UHRF1: variants seen among roughly 807,000 people sequenced by gnomAD.
UHRF1 encodes E3 ubiquitin-protein ligase UHRF1.
A neutral mutation model predicts 96.5 loss-of-function variants in UHRF1; 9 were observed. That is an observed-to-expected ratio of 0.09 (90% CI 0.06 to 0.16). The LOEUF is 0.16. Among genes scored for constraint, UHRF1 ranks in the 10% least tolerant of loss-of-function variants. The probability of loss-of-function intolerance (pLI) is 1.00; values close to 1 mark genes in which losing one functional copy is unlikely to be tolerated. For missense variants in UHRF1, 626 were observed against 1,131.1 expected (o/e 0.55, Z 6.40); for synonymous variants, 455 against 469.9 (o/e 0.97, Z 0.41).
chr19:4,932,843 G>A lies in UHRF1; in HGVS notation c.672G>A (p.Met224Ile). Reference protein sequence around the residue: ...WQDLEVGQVVMLNYNPDNPKE... With the variant: ...WQDLEVGQVVILNYNPDNPKE... ...ACCTGGAGGTGGGCCAGGTGGTCATGCTCAACTACAACCCCGACAACCCCA... is the reference window on the plus strand; with the variant it reads ...ACCTGGAGGTGGGCCAGGTGGTCATACTCAACTACAACCCCGACAACCCCA... The change falls in exon 5 of 17, where the codon ATG (methionine) becomes ATA (isoleucine). Residue 224 changes from methionine to isoleucine, a missense_variant. Physicochemically the swap from Met to Ile is conservative, Grantham distance 10. This residue lies in a region of UHRF1 where 198 missense variants were observed against 235.1 expected (regional missense o/e 0.84). Coordinates refer to ENST00000650932, the MANE Select transcript of UHRF1 (RefSeq NM_001048201.3). The A allele has an allele frequency of 6.2e-7, 1 of 1,613,902 alleles. No homozygotes were observed.
At chr19:4,947,081 A>G (rs1435996476) in intron 10 of UHRF1, 24 bp from the exon 11 acceptor site, 1 of 1,591,952 alleles carries the variant, frequency 6.3e-7, no homozygotes, top group Non-Finnish European at 8.6e-7. Flanking sequence ...CAGAGGGTTC[A>G]CCCAGCCTTC....
At chr19:4,920,364 G>A (rs543444626) in intron 2 of UHRF1, among the ~76,000 whole-genome samples, 4 of 152,144 alleles carry the variant, frequency 2.6e-5, no homozygotes, top group South Asian at 4.2e-4. Context: ...CCCGGGAGAC[G>A]GAGGTTGCAG....
At chr19:4,947,507 TTTTTTTTTTTTTG>T in intron 11 of UHRF1, among the ~76,000 whole-genome samples, 2 of 135,750 alleles carry the variant, frequency 1.5e-5, no homozygotes, top group African/African-American at 5.7e-5. Context: ...TTTTTTTTTT[TTTTTTTTTTTTTG>T]GGCAGAGTCT....
intron 5 of UHRF1, among the ~76,000 whole-genome samples, chr19:4,940,000 GGCGACAGA>G (rs1288243934): frequency 1.3e-5 from 2 of 150,612 alleles, no homozygotes; most frequent in Non-Finnish European, 3.0e-5. Context: ...CTCCAGCCTG[GGCGACAGA>G]GCGAGACTGT....
intron 2 of UHRF1, among the ~76,000 whole-genome samples, chr19:4,925,909 CTTTT>C (rs1052722298): frequency 1.4e-5 from 2 of 147,450 alleles, no homozygotes; most frequent in Non-Finnish European, 3.0e-5. Flanking sequence ...TTTTTTCTTT[CTTTT>C]TGAGACGGAG....
upstream of UHRF1, among the ~76,000 whole-genome samples, chr19:4,904,596 C>A (rs926381318): frequency 1.3e-5 from 2 of 152,188 alleles, no homozygotes; most frequent in African/African-American, 4.8e-5. Context: ...GGATTACAGG[C>A]ATGAGCTACC....
intron 2 of UHRF1, 98 bp downstream of exon 2, chr19:4,911,136 A>G (rs1170604089): frequency 1.3e-5 from 16 of 1,205,190 alleles, no homozygotes; most frequent in Middle Eastern, 6.1e-4. Flanking sequence ...TCCCCCCCCA[A>G]CAACCTCGTC....
At chr19:4,924,655 G>T (rs964104373) in intron 2 of UHRF1, among the ~76,000 whole-genome samples, 11 of 151,982 alleles carry the variant, frequency 7.2e-5, no homozygotes, top group African/African-American at 2.7e-4. Context: ...TGAGCAGAAG[G>T]TACGGAGTTC....
chr19:4,951,450 A>G (rs1251764001), intron 13 of UHRF1, among the ~76,000 whole-genome samples: 1 of 151,936 alleles, frequency 6.6e-6, no homozygotes, highest in African/African-American at 2.4e-5. Context: ...TCTCGGGCCC[A>G]TGCTTCCCTG....
chr19:4,936,653 T>G (rs1026097520), intron 5 of UHRF1, among the ~76,000 whole-genome samples: 1 of 152,018 alleles, frequency 6.6e-6, no homozygotes, highest in African/African-American at 2.4e-5. Flanking sequence ...AGTTATAATG[T>G]AGAGATGGCT....
At chr19:4,903,795 G>A (rs1458062035) in intron 1 of UHRF1, 1 of 152,022 alleles carries the variant, frequency 6.6e-6, no homozygotes, top group Non-Finnish European at 1.5e-5. Context: ...GAGCCACTGT[G>A]CCCAGGTGCA....
At chr19:4,911,623 C>T (rs1416844959) in intron 2 of UHRF1, among the ~76,000 whole-genome samples, 3 of 152,144 alleles carry the variant, frequency 2.0e-5, no homozygotes, top group East Asian at 1.9e-4. Context: ...AGGGGTCCAC[C>T]GACCCTCGTC....
chr19:4,946,403 T>G (rs2145189643), intron 10 of UHRF1, among the ~76,000 whole-genome samples: 1 of 152,304 alleles, frequency 6.6e-6, no homozygotes, highest in African/African-American at 2.4e-5. Context: ...GGAGGGACCA[T>G]GCTGTGTTGA....
chr19:4,948,869 A>G (rs1478226725), intron 11 of UHRF1, among the ~76,000 whole-genome samples: 1 of 151,316 alleles, frequency 6.6e-6, no homozygotes, highest in Non-Finnish European at 1.5e-5. Context: ...CACGCCTGTA[A>G]TCCCAGCACT....
rs2250981 is a variant in UHRF1, at chr19:4,945,905, C to T, written c.1350C>T (p.His450=). 0.39 allele frequency: 620,141 copies of T among 1,586,554 alleles called. 128,028 individuals are homozygous for T. Among genetic ancestry groups the T allele is most frequent in the East Asian group, 0.69 (30,369 of 44,076 alleles). ...GVHRPHVAGI[H]GRSNDGAYSL... ...ATCGGCCCCACGTGGCTGGCATACA[C>T]GGCCGGAGCAACGACGGAGCGTACT... Residue 450 remains histidine (H), a synonymous_variant, in exon 10 of 17, where the codon CAC becomes CAT. Coordinates refer to ENST00000650932, the MANE Select transcript of UHRF1 (RefSeq NM_001048201.3).
intron 9 of UHRF1, among the ~76,000 whole-genome samples, chr19:4,945,145 A>G (rs1038135698): frequency 6.6e-5 from 10 of 152,198 alleles, no homozygotes; most frequent in Non-Finnish European, 1.3e-4. Context: ...CCGGGGCCCC[A>G]TGCTCAGGCC....
chr19:4,937,025 G>A (rs1314631105), intron 5 of UHRF1, among the ~76,000 whole-genome samples: 2 of 149,696 alleles, frequency 1.3e-5, no homozygotes, highest in South Asian at 2.1e-4. Flanking sequence ...CCTGACCCCC[G>A]GCAAGCAATA....
chr19:4,959,664 C>T (rs555607917), intron 16 of UHRF1, among the ~76,000 whole-genome samples: 1 of 152,258 alleles, frequency 6.6e-6, no homozygotes, highest in African/African-American at 2.4e-5. Flanking sequence ...GACTTGGTTC[C>T]TTCCTCCTTT....
intron 5 of UHRF1, among the ~76,000 whole-genome samples, chr19:4,937,221 A>G (rs956233250): frequency 2.0e-5 from 3 of 151,440 alleles, no homozygotes; most frequent in African/African-American, 7.3e-5. Context: ...TTACAGATTA[A>G]TTGAAGTTAC....
Sources: allele counts gnomAD v4.1 joint callset (sites outside exome capture counted in the v4.1 genomes callset), GRCh38; gene constraint gnomAD v4.1.1; regional missense constraint gnomAD v4.1.1; transcripts MANE v1.5; gene names NCBI Gene and HGNC (gene_info 2026-07-23, HGNC 2026-07-21).